Variants in FOXJ2 observed in about 807,000 individuals in gnomAD.
FOXJ2 encodes the protein forkhead box protein J2.
Under a neutral mutation model 68.4 loss-of-function variants are expected in FOXJ2, and 18 were observed. That is an observed-to-expected ratio of 0.26 (90% CI 0.18 to 0.39). The LOEUF (loss-of-function observed/expected upper bound fraction) is 0.39, where lower values mean the gene tolerates loss of function less well. Among genes scored for constraint, FOXJ2 ranks in the 10% least tolerant of loss-of-function variants. The probability of loss-of-function intolerance (pLI) is 1.00; values close to 1 mark genes in which losing one functional copy is unlikely to be tolerated. For missense variants in FOXJ2, 670 were observed against 726.5 expected, an observed-to-expected ratio of 0.92 and a Z score of 0.89; for synonymous variants, 274 against 263.2, an observed-to-expected ratio of 1.04 and a Z score of -0.40.
chr12:8,037,108 A>G (rs975538612), intron 1 of FOXJ2, among the ~76,000 whole-genome samples: 5 of 152,168 alleles, frequency 3.3e-5, no homozygotes, highest in African/African-American at 1.2e-4. Flanking sequence ...AAAACAAAAC[A>G]AAACAAAAAC....
Position 8,054,715 on chromosome 12 carries a change from C to G in FOXJ2, c.*1865C>G, listed in dbSNP as rs1947165385. 1 of 152,492 alleles carries G rather than the reference C, an allele frequency of 6.6e-6. No individual in the cohort carries two copies. Among genetic ancestry groups the G allele is most frequent in the East Asian group, 1.9e-4 (1 of 5,190 alleles). 9.4% of individuals were successfully genotyped at this position (152,492 alleles called of 1,614,324 possible). On this transcript the variant is annotated 3_prime_UTR_variant, in exon 11 of 11. Coordinates refer to ENST00000162391, the MANE Select transcript of FOXJ2 (RefSeq NM_018416.3). ...GGGTTGAAGTATGACATAATATTTC[C>G]CATTGGGGAAAGGAGAATTTCTCTT...
In FOXJ2 at chr12:8,048,043, C is replaced by A; in HGVS notation, c.979C>A (p.Pro327Thr). 1 of 1,613,610 alleles carries A rather than the reference C, an allele frequency of 6.2e-7. No individual in the cohort carries two copies. Among genetic ancestry groups the A allele is most frequent in the Non-Finnish European group, 8.5e-7 (1 of 1,179,658 alleles). The change falls in exon 7 of 11, where the codon CCC becomes ACC. Residue 327 changes from proline (P) to threonine (T), a missense_variant. Transcript: ENST00000162391. ...GCAGCAGCAGGCACCTGCCCAGGGC[C>A]CCTCAGCTGTAGGGGGTGCTCCTCC... ...PQQQQAPAQGPSAVGGAPPLH... is the reference protein window; with the variant it reads ...PQQQQAPAQGTSAVGGAPPLH...
intron 6 of FOXJ2, 26 bp from the exon 7 acceptor site, chr12:8,047,856 C>T (rs1947058675): frequency 2.6e-6 from 4 of 1,549,536 alleles, no homozygotes; most frequent in Non-Finnish European, 2.6e-6. Context: ...GCTTAAGTCA[C>T]TTGCCTGCTT....
chr12:8,048,848 C>T, intron 8 of FOXJ2, 50 bp downstream of exon 8: 4 of 1,503,276 alleles, frequency 2.7e-6, no homozygotes, highest in Non-Finnish European at 3.7e-6. Flanking sequence ...TAAGGGAAAA[C>T]CCAGTAGAAA....
At position 8,038,068 on chromosome 12, in the gene FOXJ2, G is replaced by C. The variant is rs902359923; in HGVS notation, c.-14-1751G>C. Among the ~76,000 whole-genome samples the C allele has an allele frequency of 1.3e-5, 2 of 152,170 alleles. No homozygotes were observed. Among genetic ancestry groups the C allele is most frequent in the African/African-American group, 2.4e-5 (1 of 41,430 alleles). On this transcript the variant is annotated intron_variant, in intron 1 of 10. Coordinates refer to ENST00000162391, the MANE Select transcript of FOXJ2 (RefSeq NM_018416.3). This position sits in a 1 kb window ranked among gnomAD's most constrained non-coding sequence, Gnocchi z 5.3. Reference sequence around the variant, plus strand: ...TTTTCTCCTGTCAAACAATTCTTGGGTTAGAGTTGCGTCTCTTGCTGCCCC... The same window carrying C: ...TTTTCTCCTGTCAAACAATTCTTGGCTTAGAGTTGCGTCTCTTGCTGCCCC...
rs1946980404 is a variant in FOXJ2, at chr12:8,042,668, G to A, written c.344G>A (p.Arg115Gln). ...TCTCTGCCTCTCCAGAATTCAATAC[G>A]GCACAACCTTTCTCTCAACAAGTGT... ...NAGIGWKNSI[R>Q]HNLSLNKCFR... Residue 115 changes from arginine (R) to glutamine (Q), a missense_variant, in exon 3 of 11, where the codon CGG (arginine) becomes CAG (glutamine). By Grantham distance (43) the Arg-to-Gln change is conservative. This residue lies in a region of FOXJ2 where 115 missense variants were observed against 164.3 expected (regional missense o/e 0.70). Transcript: ENST00000162391. 2 of 1,613,866 alleles carry A rather than the reference G, an allele frequency of 1.2e-6. No individual in the cohort carries two copies. The highest frequency in any genetic ancestry group is 1.7e-5 in the Admixed American group (1 of 59,978).
At position 8,039,969 on chromosome 12, in the gene FOXJ2, C is replaced by T. The variant is rs2121326317; in HGVS notation, c.137C>T (p.Ser46Leu). 2 of 1,614,142 alleles carry T rather than the reference C, an allele frequency of 1.2e-6. No homozygotes were observed. The highest frequency in any genetic ancestry group is 1.7e-6 in the Non-Finnish European group (2 of 1,180,032). Reference sequence around the variant, plus strand: ...AGCAGCCGCAAGTGTTCACCAGGGTCACCCACAGATCCTAATGCCACCCTG... The same window carrying T: ...AGCAGCCGCAAGTGTTCACCAGGGTTACCCACAGATCCTAATGCCACCCTG... The part of the protein sequence containing the change: ...PGSSRKCSPG[S>L]PTDPNATLSK... The change falls in exon 2 of 11, where the codon TCA (serine) becomes TTA (leucine). Residue 46 changes from serine to leucine, a missense_variant. Around this residue, in one of 2 missense-constraint regions of FOXJ2, gnomAD observed 115 missense variants for 164.3 expected, o/e 0.70. Coordinates refer to ENST00000162391, the MANE Select transcript of FOXJ2 (RefSeq NM_018416.3).
At position 8,044,881 on chromosome 12, in the gene FOXJ2, A is replaced by T; in HGVS notation, c.740A>T (p.Asn247Ile). The change falls in exon 6 of 11, where the codon AAC becomes ATC. Residue 247 changes from asparagine to isoleucine, a missense_variant. This residue lies in a region of FOXJ2 where 555 missense variants were observed against 562.2 expected (regional missense o/e 0.99). Transcript: ENST00000162391. Reference protein sequence around the residue: ...HDFKFSYSEINFQDLSWSFRN... With the variant: ...HDFKFSYSEIIFQDLSWSFRN... Reference sequence around the variant, plus strand: ...TTTAAATTCTCCTACTCAGAGATCAACTTTCAGGATCTAAGCTGGTCCTTC... The same window carrying T: ...TTTAAATTCTCCTACTCAGAGATCATCTTTCAGGATCTAAGCTGGTCCTTC... 1 of 1,614,112 alleles carries T rather than the reference A, an allele frequency of 6.2e-7. No individual in the cohort carries two copies. The highest frequency in any genetic ancestry group is 1.1e-5 in the South Asian group (1 of 91,080).
chr12:8,044,710 TG>T lies in FOXJ2; in HGVS notation c.619-48del, dbSNP rs757721664. On this transcript the variant is annotated intron_variant, in intron 5 of 10. Transcript: ENST00000162391. The stretch of plus-strand genomic sequence containing the variant: ...CCTGGTGACCATTGAAGGGTTTTAT[TG>T]GTCCCTCAGCTGGGACACTGATCAG... 286 of 1,600,114 alleles carry T rather than the reference TG, an allele frequency of 1.8e-4. 8 individuals carry two copies. In the East Asian group the frequency reaches 2.3e-3, roughly 13 times the overall value.
At chr12:8,048,831 T>C (rs1266510646) in intron 8 of FOXJ2, 33 bp downstream of exon 8, 3 of 1,580,532 alleles carry the variant, frequency 1.9e-6, no homozygotes, top group African/African-American at 1.3e-5. Context: ...AAGAGAGGGA[T>C]ACACTGTAAG....
At position 8,042,719 on chromosome 12, in the gene FOXJ2, A is replaced by G; in HGVS notation, c.395A>G (p.Asp132Gly). 1 of 1,614,044 alleles carries G rather than the reference A, an allele frequency of 6.2e-7. No individual in the cohort carries two copies. The highest frequency in any genetic ancestry group is 8.5e-7 in the Non-Finnish European group (1 of 1,179,896). Residue 132 changes from aspartate to glycine, a missense_variant, in exon 3 of 11, where the codon GAT becomes GGT. By Grantham distance (94) the Asp-to-Gly change is moderately conservative (BLOSUM62 -1). This residue lies in a region of FOXJ2 where 555 missense variants were observed against 562.2 expected (regional missense o/e 0.99). Coordinates refer to ENST00000162391, the MANE Select transcript of FOXJ2 (RefSeq NM_018416.3). ...KCFRKVPRPR[D>G]DPGKGSYWTI... ...TTCCGGAAGGTGCCCAGACCTCGGG[A>G]TGACCCTGGGAAGGTAAGATACTAC... is the stretch of plus-strand genomic sequence containing the variant.
intron 2 of FOXJ2, among the ~76,000 whole-genome samples, chr12:8,041,079 T>C (rs1946957566): frequency 6.6e-6 from 1 of 152,216 alleles, no homozygotes; most frequent in African/African-American, 2.4e-5. Context: ...AGCTCATTTG[T>C]CAATTGTTGA....
rs551147067 is a variant in FOXJ2 at position 8,052,426 on chromosome 12, G to A, written c.1637-336G>A. ...GTAGAGATGGGGTTTCTCCATGTTGGCCAGGCTGGTCTCGAATTCCTGACC... is the reference window on the plus strand; with the variant it reads ...GTAGAGATGGGGTTTCTCCATGTTGACCAGGCTGGTCTCGAATTCCTGACC... On this transcript the variant is annotated intron_variant, in intron 10 of 10. Coordinates refer to ENST00000162391, the MANE Select transcript of FOXJ2 (RefSeq NM_018416.3). Among the ~76,000 whole-genome samples the A allele has an allele frequency of 8.0e-4, 121 of 152,148 alleles. 1 individual carries two copies. The South Asian group carries it at 0.01, about 13-fold the overall frequency.
intron 9 of FOXJ2, 100 bp from the exon 10 acceptor site, chr12:8,050,419 GAGA>G: frequency 5.4e-6 from 8 of 1,481,022 alleles, no homozygotes; most frequent in East Asian, 2.4e-5. Flanking sequence ...GCAGGGAAGA[GAGA>G]AGGAGGATGG....
rs763234820 is a variant in FOXJ2 at position 8,045,806 on chromosome 12, C to G, written c.817+848C>G. ...CCAATTAGCTGGGATTACAGGCTCC[C>G]GCCACCACGCCTGGCTAATTTTTAT... On this transcript the variant is annotated intron_variant, in intron 6 of 10. Coordinates refer to ENST00000162391, the MANE Select transcript of FOXJ2 (RefSeq NM_018416.3). Among the ~76,000 whole-genome samples, 3 of 151,564 alleles carry G rather than the reference C, an allele frequency of 2.0e-5. No homozygotes were observed. In the East Asian group the frequency reaches 5.9e-4, roughly 30 times the overall value.
At chr12:8,051,079 A>G (rs1157383855) in intron 10 of FOXJ2, among the ~76,000 whole-genome samples, 3 of 37,244 alleles carry the variant, frequency 8.1e-5, no homozygotes, top group African/African-American at 2.4e-4. Flanking sequence ...CTTCCCTTCC[A>G]TTCCCTTTCC....
chr12:8,040,308 C>T lies in FOXJ2; in HGVS notation c.333+143C>T. 10 of 875,374 alleles carry T rather than the reference C, an allele frequency of 1.1e-5. No individual in the cohort carries two copies. The South Asian group carries it at 1.8e-4, about 16-fold the overall frequency. The allele number at this position is 875,374 out of a possible 1,614,324, so 54.2% of individuals were successfully genotyped here. A position where few individuals can be genotyped will look rare whatever the true frequency, so the allele number is the denominator to read the frequency against. ...AAAACTTAAAATCTCATATGTTCTG[C>T]CCTCTACTTTTTTTTCAGAGTTGAA... On this transcript the variant is annotated intron_variant, in intron 2 of 10. Transcript: ENST00000162391. This position sits in a 1 kb window ranked among gnomAD's most constrained non-coding sequence, Gnocchi z 4.0.
chr12:8,036,367 C>A (rs7955798), intron 1 of FOXJ2, among the ~76,000 whole-genome samples: 1 of 152,066 alleles, frequency 6.6e-6, no homozygotes, highest in South Asian at 2.1e-4. Flanking sequence ...TCTTTCACTC[C>A]GAGAATGTCT....
chr12:8,042,452 G>A lies in FOXJ2; in HGVS notation c.334-206G>A, dbSNP rs762798715. 6.8e-4 allele frequency among the ~76,000 whole-genome samples: 103 copies of A among 152,166 alleles called. 1 individual carries two copies. The highest frequency in any genetic ancestry group is 2.6e-4 in the Admixed American group (4 of 15,276). ...AATTTATAGCCATTCCCTCCCATCA[G>A]TTTAATCTCTGCATTTTTCTTATCT... On this transcript the variant is annotated intron_variant, in intron 2 of 10. Coordinates refer to ENST00000162391, the MANE Select transcript of FOXJ2 (RefSeq NM_018416.3).
Sources: gnomAD v4.1 joint callset for allele counts (sites outside exome capture counted in the v4.1 genomes callset) on GRCh38, gnomAD v4.1.1 for gene constraint, gnomAD v4.1.1 regional missense constraint, Gnocchi (gnomAD v3.1) non-coding constraint, MANE v1.5 for transcripts, NCBI Gene and HGNC (gene_info 2026-07-23, HGNC 2026-07-21) for gene names.